The following USP43 variants were observed in gnomAD, a reference collection of about 807,000 sequenced individuals.
The protein encoded by USP43 is ubiquitin carboxyl-terminal hydrolase 43.
USP43 carries 33 observed loss-of-function variants against 90.7 expected under a neutral mutation model. That is an observed-to-expected ratio of 0.36 (90% CI 0.28 to 0.49). The LOEUF (loss-of-function observed/expected upper bound fraction) is 0.49. USP43 is among the 20% of genes least tolerant of loss of function. The pLI, the probability that USP43 is intolerant of heterozygous loss-of-function variation, is 0.98. For synonymous variants in USP43, 598 were observed against 615.8 expected (o/e 0.97, Z 0.43); for missense variants, 1,274 against 1,476.4 (o/e 0.86, Z 2.25).
chr17:9,720,321 C>CAA lies in USP43; in HGVS notation c.2336-7615_2336-7614dup, dbSNP rs980644442. Reference sequence around the variant, plus strand: ...AGCCTGGGCGACAGAGACTCCATCTCAAAAAAAAAAAAAAAAAAAGAAAGA... The same window carrying CAA: ...AGCCTGGGCGACAGAGACTCCATCTCAAAAAAAAAAAAAAAAAAAAAGAAAGA... On this transcript the variant is annotated intron_variant, in intron 14 of 14. Transcript: ENST00000285199. Among the ~76,000 whole-genome samples, 333 of 43,662 alleles carry CAA rather than the reference C, an allele frequency of 7.6e-3. 5 individuals carry two copies. Among genetic ancestry groups the CAA allele is most frequent in the African/African-American group, 0.023 (323 of 13,846 alleles). The allele number at this position is 43,662 out of a possible 152,430, so 28.6% of individuals were successfully genotyped here. A position where few individuals can be genotyped will look rare whatever the true frequency, so the allele number is the denominator to read the frequency against.
chr17:9,717,323 G>A (rs1488373439), intron 14 of USP43, among the ~76,000 whole-genome samples: 1 of 151,662 alleles, frequency 6.6e-6, no homozygotes, highest in East Asian at 1.9e-4. Context: ...CTGCATTTCT[G>A]TTGGGTGTAT....
At chr17:9,681,487 TA>T (rs61133111) in intron 6 of USP43, among the ~76,000 whole-genome samples, 1 of 38,010 alleles carries the variant, frequency 2.6e-5, no homozygotes, top group Non-Finnish European at 4.9e-5. Context: ...TATATATATA[TA>T]TATATATATA....
chr17:9,676,591 C>T (rs376268405), intron 4 of USP43, among the ~76,000 whole-genome samples, 155 bp from the exon 5 acceptor site: 15 of 152,176 alleles, frequency 9.9e-5, no homozygotes, highest in African/African-American at 2.9e-4. Context: ...AGGCTAGTCT[C>T]GAACTCTTGA....
rs190967049 is a variant in USP43, at chr17:9,717,857, G to T, written c.2335+5725G>T. Among the ~76,000 whole-genome samples, 356 of 151,228 alleles carry T rather than the reference G, an allele frequency of 2.4e-3. 2 individuals carry two copies. The highest frequency in any genetic ancestry group is 4.1e-3 in the Non-Finnish European group (281 of 67,844). On this transcript the variant is annotated intron_variant, in intron 14 of 14. Coordinates refer to ENST00000285199, the MANE Select transcript of USP43 (RefSeq NM_153210.5). ...CTGTTGCCAGGCTGAAGTGCAATGG[G>T]GCGATCTCAGCTCACTGCAACCTCC...
chr17:9,727,429 C>T (rs369450211), intron 14 of USP43, among the ~76,000 whole-genome samples: 3 of 151,974 alleles, frequency 2.0e-5, no homozygotes, highest in South Asian at 2.1e-4. Flanking sequence ...AATACATGCA[C>T]GTGTATATAT....
chr17:9,709,540 A>G lies in USP43; in HGVS notation c.2012-416A>G, dbSNP rs550504960. ...AGACCAGCCTGGTCAACATGGTGAA[A>G]CCCCATCTCTAATAAAAATATAAAT... On this transcript the variant is annotated intron_variant, in intron 12 of 14. Transcript: ENST00000285199. The surrounding 1 kb of genome is among the most constrained non-coding windows in gnomAD (Gnocchi z 5.0). 1.3e-5 allele frequency among the ~76,000 whole-genome samples: 2 copies of G among 152,034 alleles called. No homozygotes were observed. Among genetic ancestry groups the G allele is most frequent in the Non-Finnish European group, 2.9e-5 (2 of 68,018 alleles).
Position 9,728,136 on chromosome 17 carries a change from C to T in USP43, c.2518C>T (p.Arg840Ter), listed in dbSNP as rs1427634212. Residue 840 changes from arginine to a stop codon, truncating the protein, a stop_gained, in exon 15 of 15, where the codon CGA becomes TGA. Coordinates refer to ENST00000285199, the MANE Select transcript of USP43 (RefSeq NM_153210.5). LOFTEE classifies it low-confidence loss of function (END_TRUNC). The surrounding 1 kb of genome is among the most constrained non-coding windows in gnomAD (Gnocchi z 6.2). Reference protein sequence around the residue: ...VELVEYLESRRRPRSTSQSIV... With the variant: ...VELVEYLESR ...GTTGGTGGAGTACTTGGAATCCAGA[C>T]GAAGACCTCGGTCCACGAGCCAGTC... 4 of 1,613,858 alleles carry T rather than the reference C, an allele frequency of 2.5e-6. No individual in the cohort carries two copies. The highest frequency in any genetic ancestry group is 1.6e-4 in the Middle Eastern group (1 of 6,062).
At chr17:9,669,713 C>T (rs1425641846) in intron 3 of USP43, 5 of 152,294 alleles carry the variant, frequency 3.3e-5, no homozygotes, top group East Asian at 1.9e-4. Flanking sequence ...GGCTTCTTTT[C>T]GGAGCTGAAA....
intron 7 of USP43, among the ~76,000 whole-genome samples, chr17:9,685,176 T>G (rs759184768): frequency 2.0e-5 from 3 of 152,176 alleles, no homozygotes; most frequent in Non-Finnish European, 4.4e-5. Context: ...TCACCTCATA[T>G]TTGTGTTCTG....
chr17:9,710,561 G>A (rs1916132030), intron 13 of USP43, among the ~76,000 whole-genome samples: 1 of 140,020 alleles, frequency 7.1e-6, no homozygotes, highest in South Asian at 2.3e-4. Flanking sequence ...CTGGAGTGCA[G>A]TGGCATGATC....
chr17:9,652,510 C>T (rs931397253), intron 1 of USP43, among the ~76,000 whole-genome samples: 4 of 151,948 alleles, frequency 2.6e-5, no homozygotes, highest in African/African-American at 7.3e-5. Context: ...TACAGGTGCC[C>T]GCCACCACGT....
intron 9 of USP43, among the ~76,000 whole-genome samples, chr17:9,694,161 A>G (rs1322757062): frequency 6.6e-6 from 1 of 152,204 alleles, no homozygotes. Context: ...GTTCTCAGTA[A>G]GGTCCTCTGA....
intron 1 of USP43, 43 bp downstream of exon 1, chr17:9,646,179 C>G (rs887146309): frequency 2.2e-6 from 3 of 1,388,732 alleles, no homozygotes; most frequent in Non-Finnish European, 2.8e-6. Flanking sequence ...CCCCTGGTTT[C>G]GCCTCTTGAA....
chr17:9,701,293 C>T lies in USP43; in HGVS notation c.1662+48C>T, dbSNP rs1915554048. 1 of 1,593,172 alleles carries T rather than the reference C, an allele frequency of 6.3e-7. No individual in the cohort carries two copies. The stretch of plus-strand genomic sequence containing the variant: ...CCCGGCCGGGAAGGGGGCTGGCTGC[C>T]TTTGGTGGGTTGGCCACGTGCTGCG... On this transcript the variant is annotated intron_variant, in intron 11 of 14. Coordinates refer to ENST00000285199, the MANE Select transcript of USP43 (RefSeq NM_153210.5). The surrounding 1 kb of genome is among the most constrained non-coding windows in gnomAD (Gnocchi z 7.2).
At chr17:9,661,335 C>T (rs941914585) in intron 2 of USP43, among the ~76,000 whole-genome samples, 1 of 152,014 alleles carries the variant, frequency 6.6e-6, no homozygotes, top group African/African-American at 2.4e-5. Context: ...TACATGTCAT[C>T]TCTTGGGATT....
chr17:9,691,340 A>G (rs1245764716), intron 8 of USP43, among the ~76,000 whole-genome samples: 2 of 150,730 alleles, frequency 1.3e-5, no homozygotes, highest in Non-Finnish European at 3.0e-5. Context: ...CTGATCTCGA[A>G]CTCCTGACCT....
rs1184883523 is a variant in USP43, at chr17:9,681,462, TTATATATATATATA to T, written c.1105+1130_1105+1143del. Among the ~76,000 whole-genome samples, 80 of 18,578 alleles carry T rather than the reference TTATATATATATATA, an allele frequency of 4.3e-3. 2 individuals carry two copies. Among genetic ancestry groups the T allele is most frequent in the African/African-American group, 8.9e-3 (34 of 3,826 alleles). The allele number at this position is 18,578 out of a possible 152,430, so 12.2% of individuals were successfully genotyped here. A position where few individuals can be genotyped will look rare whatever the true frequency, so the allele number is the denominator to read the frequency against. On this transcript the variant is annotated intron_variant, in intron 6 of 14. Transcript: ENST00000285199. ...TATAGATAAATATATATAAAATATA[TTATATATATATATA>T]TATATATATATATATATATATATAT...
At chr17:9,657,242 C>CA (rs1393886438) in intron 2 of USP43, among the ~76,000 whole-genome samples, 1 of 152,132 alleles carries the variant, frequency 6.6e-6, no homozygotes, top group African/African-American at 2.4e-5. Flanking sequence ...CGCGGTGACT[C>CA]ACGCCTGTAA....
In USP43 at chr17:9,701,767, G is replaced by T; in HGVS notation, c.2011+67G>T. On this transcript the variant is annotated intron_variant, in intron 12 of 14. Transcript: ENST00000285199. The surrounding 1 kb of genome is among the most constrained non-coding windows in gnomAD (Gnocchi z 7.2). Reference sequence around the variant, plus strand: ...CAGCCTCGAGATGTCCCTGGAATGGGTGTTGCTCAGATGCTGAGCTCCCTG... The same window carrying T: ...CAGCCTCGAGATGTCCCTGGAATGGTTGTTGCTCAGATGCTGAGCTCCCTG... The T allele has an allele frequency of 7.3e-7, 1 of 1,374,314 alleles. No individual in the cohort carries two copies. Among genetic ancestry groups the T allele is most frequent in the Non-Finnish European group, 9.7e-7 (1 of 1,025,986 alleles). The allele number at this position is 1,374,314 out of a possible 1,614,324, so 85.1% of individuals were successfully genotyped here. A position where few individuals can be genotyped will look rare whatever the true frequency, so the allele number is the denominator to read the frequency against.
Sources: gnomAD v4.1 joint callset for allele counts (sites outside exome capture counted in the v4.1 genomes callset) on GRCh38, gnomAD v4.1.1 for gene constraint, Gnocchi (gnomAD v3.1) non-coding constraint, MANE v1.5 for transcripts, NCBI Gene and HGNC (gene_info 2026-07-23, HGNC 2026-07-21) for gene names.